Variants in HERC3 observed in about 807,000 individuals in gnomAD.
The protein encoded by HERC3 is probable E3 ubiquitin-protein ligase HERC3.
Under a neutral mutation model 129.9 loss-of-function variants are expected in HERC3, and 58 were observed. That is an observed-to-expected ratio of 0.45 (90% CI 0.36 to 0.56). The LOEUF is 0.56. Ranked by LOEUF, HERC3 falls within the 20% of genes least tolerant of loss-of-function variation. HERC3 has a pLI of 0.00. For missense variants in HERC3, 835 were observed against 1,244.2 expected (o/e 0.67, Z 4.95); for synonymous variants, 430 against 451.0 (o/e 0.95, Z 0.59).
chr4:88,535,724 G>A, the HERC3 span, among the ~76,000 whole-genome samples: 1 of 152,074 alleles, frequency 6.6e-6, no homozygotes, highest in South Asian at 2.1e-4. Context: ...TCCCATCATG[G>A]GGGTCCCACA....
chr4:88,687,407 A>G (rs918344037), intron 23 of HERC3, 108 bp downstream of exon 23: 2 of 563,792 alleles, frequency 3.5e-6, no homozygotes, highest in African/African-American at 3.9e-5. Context: ...CCTTCTTCAG[A>G]GGAGGTAAGT....
At chr4:88,558,532 A>T in the HERC3 span, among the ~76,000 whole-genome samples, 3 of 152,194 alleles carry the variant, frequency 2.0e-5, no homozygotes, top group Non-Finnish European at 2.9e-5. Context: ...GGAATAAAAC[A>T]CTACATACTG....
At chr4:88,602,732 G>T (rs1043097044) in intron 2 of HERC3, among the ~76,000 whole-genome samples, 1 of 152,216 alleles carries the variant, frequency 6.6e-6, no homozygotes, top group South Asian at 2.1e-4. Flanking sequence ...CTCTCACCTT[G>T]GCCTCCCAAA....
chr4:88,694,446 A>G (rs2149335874), intron 23 of HERC3, among the ~76,000 whole-genome samples: 2 of 152,044 alleles, frequency 1.3e-5, no homozygotes, highest in Middle Eastern at 3.4e-3. Context: ...TAACTCTGTG[A>G]TTTCTTAATT....
At chr4:88,705,021 C>T (rs563977250) in intron 25 of HERC3, among the ~76,000 whole-genome samples, 123 of 151,980 alleles carry the variant, frequency 8.1e-4, no homozygotes, top group Non-Finnish European at 1.4e-3. Flanking sequence ...CCACCATGCC[C>T]GGCAGATTTT....
At chr4:88,548,330 T>A in the HERC3 span, among the ~76,000 whole-genome samples, 1 of 152,192 alleles carries the variant, frequency 6.6e-6, no homozygotes, top group East Asian at 1.9e-4. Flanking sequence ...ATGGGGATTT[T>A]AAATTTTTCC....
chr4:88,627,904 CAAAA>C (rs60358778), intron 3 of HERC3, among the ~76,000 whole-genome samples: 4 of 80,960 alleles, frequency 4.9e-5, no homozygotes, highest in Non-Finnish European at 8.7e-5. Flanking sequence ...AACTCCGTCT[CAAAA>C]AAAAAAAAAA....
At chr4:88,620,460 GTCT>G (rs1214919502) in intron 3 of HERC3, among the ~76,000 whole-genome samples, 3 of 152,018 alleles carry the variant, frequency 2.0e-5, no homozygotes, top group Non-Finnish European at 4.4e-5. Context: ...GATTTGTCTT[GTCT>G]TCTTCTCTCA....
At chr4:88,697,838 G>A in intron 23 of HERC3, 3 of 1,493,086 alleles carry the variant, frequency 2.0e-6, no homozygotes, top group Non-Finnish European at 2.7e-6. Flanking sequence ...TTGCGGATGC[G>A]GCAAGTGGCG....
At chr4:88,680,508 T>C (rs1352065825) in intron 20 of HERC3, among the ~76,000 whole-genome samples, 1 of 152,228 alleles carries the variant, frequency 6.6e-6, no homozygotes, top group Non-Finnish European at 1.5e-5. Flanking sequence ...GAAACTGTGA[T>C]AAATTGGTTT....
At chr4:88,534,434 T>G in the HERC3 span, among the ~76,000 whole-genome samples, 1 of 152,144 alleles carries the variant, frequency 6.6e-6, no homozygotes, top group Non-Finnish European at 1.5e-5. Flanking sequence ...TCTAGAATGA[T>G]TTTAAACACT....
At chr4:88,677,886 G>A (rs1732338074) in intron 18 of HERC3, 78 bp from the exon 19 acceptor site, 1 of 1,355,798 alleles carries the variant, frequency 7.4e-7, no homozygotes, top group Non-Finnish European at 1.0e-6. Flanking sequence ...GCGCCCCCAA[G>A]TCCAGAAGCA....
At chr4:88,656,463 G>C (rs1189974350) in intron 9 of HERC3, 1 of 167,432 alleles carries the variant, frequency 6.0e-6, no homozygotes, top group African/African-American at 2.4e-5. Flanking sequence ...AGGAAGAGTG[G>C]AGAGGAGGTG....
chr4:88,620,415 C>T (rs1455135908), intron 3 of HERC3, among the ~76,000 whole-genome samples: 1 of 152,138 alleles, frequency 6.6e-6, no homozygotes, highest in African/African-American at 2.4e-5. Context: ...AATGGCCTTT[C>T]CATTCTTCAG....
the HERC3 span, among the ~76,000 whole-genome samples, chr4:88,542,372 C>T: frequency 9.7e-4 from 148 of 152,286 alleles, 1 homozygote; most frequent in African/African-American, 3.3e-3. Flanking sequence ...GACACATACA[C>T]CCTCCCAAGA....
intron 2 of HERC3, among the ~76,000 whole-genome samples, chr4:88,603,942 TAGACATGTAGCAAG>T (rs1291269196): frequency 1.3e-5 from 2 of 152,262 alleles, no homozygotes; most frequent in East Asian, 3.9e-4. Context: ...GCAGAGGCAG[TAGACATGTAGCAAG>T]AGAAAGGAAA....
the HERC3 span, among the ~76,000 whole-genome samples, chr4:88,567,128 C>G: frequency 6.6e-6 from 1 of 152,162 alleles, no homozygotes; most frequent in South Asian, 2.1e-4. Flanking sequence ...CTGTCCTGGC[C>G]TGTAAGTTTC....
upstream of HERC3, among the ~76,000 whole-genome samples, chr4:88,588,398 A>G (rs1721583542): frequency 6.6e-6 from 1 of 152,258 alleles, no homozygotes; most frequent in Non-Finnish European, 1.5e-5. Flanking sequence ...TAGTCTGGGT[A>G]TAGATAGACT....
chr4:88,575,934 C>T, the HERC3 span, among the ~76,000 whole-genome samples: 24 of 152,278 alleles, frequency 1.6e-4, no homozygotes, highest in East Asian at 4.6e-3. Flanking sequence ...AACATAGATA[C>T]TCCCTCAAGG....
Sources: gnomAD v4.1 joint callset for allele counts (sites outside exome capture counted in the v4.1 genomes callset) on GRCh38, gnomAD v4.1.1 for gene constraint, MANE v1.5 for transcripts, NCBI Gene and HGNC (gene_info 2026-07-23, HGNC 2026-07-21) for gene names.